The following OBI1 variants were observed in gnomAD, a reference collection of about 807,000 sequenced individuals.
The protein encoded by OBI1 is ORC ubiquitin ligase 1, also known as ring finger protein 219.
Under a neutral mutation model 62.4 loss-of-function variants are expected in OBI1, and 59 were observed. The observed-to-expected ratio is 0.95, with a 90% CI of 0.77 to 1.17. The LOEUF (loss-of-function observed/expected upper bound fraction) is 1.17, where lower values mean the gene tolerates loss of function less well. OBI1 is among the 50% of genes most tolerant of loss of function. The pLI is 0.00. For synonymous variants in OBI1, 302 were observed against 292.8 expected (o/e 1.03, Z -0.32); for missense variants, 875 against 830.9 (o/e 1.05, Z -0.65).
intron 5 of OBI1, among the ~76,000 whole-genome samples, chr13:78,619,911 G>A (rs1875454187): frequency 6.6e-6 from 1 of 152,160 alleles, no homozygotes; most frequent in Non-Finnish European, 1.5e-5. Context: ...CTTTTTACAT[G>A]TTAAGTATTA....
intron 4 of OBI1, among the ~76,000 whole-genome samples, chr13:78,635,945 TAG>T (rs2137448893): frequency 6.6e-6 from 1 of 152,238 alleles, no homozygotes; most frequent in Admixed American, 6.5e-5. Context: ...GTATTTTAAG[TAG>T]AGACAGGGTT....
rs561247188 is a variant in OBI1 at position 78,640,867 on chromosome 13, G to A, written c.300+1255C>T. Among the ~76,000 whole-genome samples the A allele has an allele frequency of 2.0e-5, 3 of 152,292 alleles. No homozygotes were observed. The East Asian group carries it at 5.8e-4, about 29-fold the overall frequency. On this transcript the variant is annotated intron_variant, in intron 3 of 5. Transcript: ENST00000282003. ...TTTCACTTCTATATTTGAAGTATGA[G>A]TGAAACCATCTACCATTTCCTTCTA...
At chr13:78,640,035 CA>C (rs1416905188) in intron 3 of OBI1, among the ~76,000 whole-genome samples, 1 of 151,260 alleles carries the variant, frequency 6.6e-6, no homozygotes, top group Non-Finnish European at 1.5e-5. Flanking sequence ...AACAAACAAA[CA>C]AAAAAAAGAT....
chr13:78,619,322 T>TAG (rs1875432291), intron 5 of OBI1, among the ~76,000 whole-genome samples: 1 of 114,926 alleles, frequency 8.7e-6, no homozygotes, highest in African/African-American at 4.7e-5. Flanking sequence ...CCTCTCTCTC[T>TAG]CTATATATTT....
At chr13:78,634,067 C>CAAAAACAAAAAACAAAAAACA (rs1228196802) in intron 5 of OBI1, among the ~76,000 whole-genome samples, 1 of 107,118 alleles carries the variant, frequency 9.3e-6, no homozygotes, top group East Asian at 3.4e-4. Context: ...GACTCCGTCT[C>CAAAAACAAAAAACAAAAAACA]AAAAACAAAA....
At chr13:78,639,446 G>A (rs1593795458) in intron 3 of OBI1, among the ~76,000 whole-genome samples, 1 of 152,116 alleles carries the variant, frequency 6.6e-6, no homozygotes. Flanking sequence ...ATTCCTCAGG[G>A]ATCTAGAACT....
At chr13:78,656,792 A>ATTTTTTTT (rs869148028) in intron 1 of OBI1, among the ~76,000 whole-genome samples, 2 of 67,194 alleles carry the variant, frequency 3.0e-5, no homozygotes, top group African/African-American at 1.3e-4. Context: ...TTTATTTTTA[A>ATTTTTTTT]TTTTTTTTTT....
At chr13:78,649,230 A>T (rs1314852548) in intron 1 of OBI1, among the ~76,000 whole-genome samples, 1 of 152,236 alleles carries the variant, frequency 6.6e-6, no homozygotes, top group East Asian at 1.9e-4. Flanking sequence ...TGGACAAAAC[A>T]GCTGGAGAAA....
intron 3 of OBI1, among the ~76,000 whole-genome samples, chr13:78,641,842 A>T (rs1362933293): frequency 6.6e-6 from 1 of 151,940 alleles, no homozygotes; most frequent in East Asian, 1.9e-4. Context: ...TTAAAAAAAA[A>T]AAAAAAAGAA....
chr13:78,623,626 C>T (rs1474763569), intron 5 of OBI1, among the ~76,000 whole-genome samples: 1 of 152,108 alleles, frequency 6.6e-6, no homozygotes, highest in Non-Finnish European at 1.5e-5. Context: ...GAACATAAGG[C>T]CCTTCTTAAA....
chr13:78,648,064 A>G (rs1166142554), intron 1 of OBI1, among the ~76,000 whole-genome samples: 5 of 152,074 alleles, frequency 3.3e-5, no homozygotes, highest in African/African-American at 4.8e-5. Context: ...ACGCTTATCT[A>G]TAAAGTATTC....
Position 78,634,063 on chromosome 13 carries a change from G to A in OBI1, c.638+1047C>T, listed in dbSNP as rs570256458. Among the ~76,000 whole-genome samples the A allele has an allele frequency of 2.3e-4, 32 of 141,210 alleles. 1 individual carries two copies. The East Asian group carries it at 5.8e-3, about 26-fold the overall frequency. The allele number at this position is 141,210 out of a possible 152,430, so 92.6% of individuals were successfully genotyped here. ...AGCCTGGGCGACAGAGCAAGACTCC[G>A]TCTCAAAAACAAAAAACAAAAAACA... On this transcript the variant is annotated intron_variant, in intron 5 of 5. Coordinates refer to ENST00000282003, the MANE Select transcript of OBI1 (RefSeq NM_024546.4).
chr13:78,649,439 G>A (rs1876480398), intron 1 of OBI1, among the ~76,000 whole-genome samples: 1 of 152,196 alleles, frequency 6.6e-6, no homozygotes, highest in African/African-American at 2.4e-5. Context: ...ATGTGACTAT[G>A]GGATTTAACT....
intron 2 of OBI1, among the ~76,000 whole-genome samples, chr13:78,643,586 C>T (rs1256273501): frequency 2.0e-5 from 3 of 152,256 alleles, no homozygotes; most frequent in Non-Finnish European, 2.9e-5. Context: ...GTCGGGAGTT[C>T]GAGACCAGCC....
chr13:78,651,497 G>C (rs536056067), intron 1 of OBI1, among the ~76,000 whole-genome samples: 1 of 152,146 alleles, frequency 6.6e-6, no homozygotes, highest in South Asian at 2.1e-4. Flanking sequence ...GTCTACTTAT[G>C]TTCACCAATA....
Position 78,615,335 on chromosome 13 carries a change from C to CA in OBI1, c.*244dup, listed in dbSNP as rs1555287588. The CA allele has an allele frequency of 3.0e-6, 1 of 335,536 alleles. No homozygotes were observed. Among genetic ancestry groups the CA allele is most frequent in the Non-Finnish European group, 5.3e-6 (1 of 187,344 alleles). 20.8% of individuals were successfully genotyped at this position (335,536 alleles called of 1,614,324 possible). On this transcript the variant is annotated 3_prime_UTR_variant, in exon 6 of 6. Transcript: ENST00000282003. ...CAACCAACCAACCAACCCCAAAACA[C>CA]AAAAATAACCTCCTCCCTAACTTCT...
chr13:78,629,985 G>A (rs1038565988), intron 5 of OBI1, among the ~76,000 whole-genome samples: 3 of 152,104 alleles, frequency 2.0e-5, no homozygotes, highest in African/African-American at 7.2e-5. Context: ...GGAGAAAAAG[G>A]ACTGGGGCTG....
chr13:78,644,647 T>G (rs1463931135), intron 2 of OBI1, among the ~76,000 whole-genome samples: 7 of 152,070 alleles, frequency 4.6e-5, no homozygotes, highest in Non-Finnish European at 8.8e-5. Flanking sequence ...AAAATGTAAG[T>G]TCCGTGAGGC....
chr13:78,642,154 T>G lies in OBI1; in HGVS notation c.268A>C (p.Thr90Pro). Reference protein sequence around the residue: ...SHTVRKHLRKTRLELLHKEYE... With the variant: ...SHTVRKHLRKPRLELLHKEYE... ...TCTTTGTGTAGTAATTCAAGTCTAG[T>G]TTTCCGAAGATGCTTCCTGACCGTA... The change falls in exon 3 of 6, where the codon ACT becomes CCT. Residue 90 changes from threonine to proline, a missense_variant. Transcript: ENST00000282003. 6.2e-7 allele frequency: 1 copy of G among 1,609,754 alleles called. No individual in the cohort carries two copies. Among genetic ancestry groups the G allele is most frequent in the Non-Finnish European group, 8.5e-7 (1 of 1,176,256 alleles).
Sources: gnomAD v4.1 joint callset for allele counts (sites outside exome capture counted in the v4.1 genomes callset) on GRCh38, gnomAD v4.1.1 for gene constraint, MANE v1.5 for transcripts, NCBI Gene and HGNC (gene_info 2026-07-23, HGNC 2026-07-21) for gene names.